The following NTM variants were observed in gnomAD, a reference collection of about 807,000 sequenced individuals.
The protein encoded by NTM is neurotrimin.
A neutral mutation model predicts 42.1 loss-of-function variants in NTM; 13 were observed. The observed-to-expected ratio is 0.31, with a 90% CI of 0.20 to 0.49. The LOEUF (loss-of-function observed/expected upper bound fraction) is 0.49, where lower values mean the gene tolerates loss of function less well. Among genes scored for constraint, NTM ranks in the 20% least tolerant of loss-of-function variants. NTM has a pLI of 0.99. For synonymous variants in NTM, 187 were observed against 179.2 expected (o/e 1.04, Z -0.35); for missense variants, 373 against 452.8 (o/e 0.82, Z 1.60).
At chr11:131,853,626 C>G (rs1217662435) in intron 1 of NTM, among the ~76,000 whole-genome samples, 5 of 152,174 alleles carry the variant, frequency 3.3e-5, no homozygotes, top group Non-Finnish European at 5.9e-5. Flanking sequence ...ACTACGTTTT[C>G]TTTATTCAGT....
chr11:131,684,643 C>T (rs1041590031), intron 1 of NTM, among the ~76,000 whole-genome samples: 8 of 152,232 alleles, frequency 5.3e-5, no homozygotes, highest in African/African-American at 1.2e-4. Context: ...GGAGGCCCTG[C>T]GGCTTTCCCA....
chr11:131,496,209 G>C (rs1437365240), intron 1 of NTM, among the ~76,000 whole-genome samples: 1 of 152,168 alleles, frequency 6.6e-6, no homozygotes, highest in Non-Finnish European at 1.5e-5. Flanking sequence ...TCCAGTTCTG[G>C]AATCTAGAAG....
At chr11:131,556,549 C>T (rs2055441010) in intron 1 of NTM, among the ~76,000 whole-genome samples, 2 of 149,980 alleles carry the variant, frequency 1.3e-5, no homozygotes, top group African/African-American at 2.5e-5. Context: ...CATAATAGCA[C>T]CTAACACATA....
intron 1 of NTM, among the ~76,000 whole-genome samples, chr11:131,512,202 C>G (rs1378762139): frequency 6.6e-6 from 1 of 152,188 alleles, no homozygotes; most frequent in Non-Finnish European, 1.5e-5. Flanking sequence ...TTGTTGTGTG[C>G]CAGTGGGTGC....
chr11:132,277,981 A>G lies in NTM; in HGVS notation c.527-29708A>G, dbSNP rs534827901. Among the ~76,000 whole-genome samples, 8 of 152,344 alleles carry G rather than the reference A, an allele frequency of 5.3e-5. No homozygotes were observed. In the East Asian group the frequency reaches 1.4e-3, roughly 26 times the overall value. On this transcript the variant is annotated intron_variant, in intron 4 of 8. Coordinates refer to ENST00000683400, the MANE Select transcript of NTM (RefSeq NM_001352005.2). ...CAGTTTATTGAGAACTCGAAAAATA[A>G]TTGGTATTAACGAATCATCAAACAG...
chr11:131,735,872 GTGTA>G (rs945325727), intron 1 of NTM, among the ~76,000 whole-genome samples: 3 of 148,948 alleles, frequency 2.0e-5, no homozygotes, highest in African/African-American at 7.7e-5. Flanking sequence ...GTGTGTGTGT[GTGTA>G]TAAAAAAATA....
intron 4 of NTM, among the ~76,000 whole-genome samples, chr11:132,270,257 A>AG (rs1223745802): frequency 6.6e-6 from 1 of 152,138 alleles, no homozygotes; most frequent in East Asian, 1.9e-4. Flanking sequence ...TTTGAGACAG[A>AG]ATCTCTCTCG....
intron 2 of NTM, among the ~76,000 whole-genome samples, chr11:132,052,180 G>A (rs1158804843): frequency 4.6e-5 from 7 of 152,120 alleles, no homozygotes; most frequent in Admixed American, 1.3e-4. Context: ...TCCCAAGGAG[G>A]GAGATTTACA....
At chr11:131,804,861 G>A (rs559275282) in intron 1 of NTM, among the ~76,000 whole-genome samples, 7 of 152,122 alleles carry the variant, frequency 4.6e-5, no homozygotes, top group Non-Finnish European at 1.0e-4. Flanking sequence ...CAAAGGGCTG[G>A]AGGGAAGTAG....
At chr11:131,833,692 T>A (rs2043111056) in intron 1 of NTM, among the ~76,000 whole-genome samples, 1 of 152,172 alleles carries the variant, frequency 6.6e-6, no homozygotes, top group Non-Finnish European at 1.5e-5. Flanking sequence ...AACCCTGCCG[T>A]GTTTTCCATT....
chr11:131,725,414 G>T (rs907150383), intron 1 of NTM, among the ~76,000 whole-genome samples: 2 of 152,128 alleles, frequency 1.3e-5, no homozygotes, highest in African/African-American at 4.8e-5. Flanking sequence ...AACAGGAAGG[G>T]TAGCCTTGGT....
chr11:131,839,663 C>T (rs1187753211), intron 1 of NTM, among the ~76,000 whole-genome samples: 2 of 152,150 alleles, frequency 1.3e-5, no homozygotes, highest in East Asian at 3.9e-4. Flanking sequence ...GGGTTTTGCC[C>T]AGAAGAGTGA....
intron 1 of NTM, among the ~76,000 whole-genome samples, chr11:131,739,481 T>G (rs1303478973): frequency 6.6e-6 from 1 of 152,200 alleles, no homozygotes; most frequent in Non-Finnish European, 1.5e-5. Flanking sequence ...GAGAAAGGTT[T>G]GTGTCTCTTA....
chr11:132,212,154 G>T lies in NTM; in HGVS notation c.526+7G>T, dbSNP rs2138672980. 6.2e-7 allele frequency: 1 copy of T among 1,608,376 alleles called. No individual in the cohort carries two copies. The highest frequency in any genetic ancestry group is 2.2e-5 in the East Asian group (1 of 44,816). On this transcript the variant is annotated splice_region_variant and intron_variant, in intron 4 of 8. Coordinates refer to ENST00000683400, the MANE Select transcript of NTM (RefSeq NM_001352005.2). Reference sequence around the variant, plus strand: ...AGACACATCTCTCCCAAAGGTAAGAGAACAGTTTGTTGCATTGCATCATGA... The same window carrying T: ...AGACACATCTCTCCCAAAGGTAAGATAACAGTTTGTTGCATTGCATCATGA...
At chr11:131,819,954 A>G (rs1033559834) in intron 1 of NTM, among the ~76,000 whole-genome samples, 3 of 152,048 alleles carry the variant, frequency 2.0e-5, no homozygotes, top group Non-Finnish European at 4.4e-5. Context: ...GTTCCCTGAC[A>G]CTCGCCTTCG....
At chr11:131,680,469 C>G (rs2072321965) in intron 1 of NTM, among the ~76,000 whole-genome samples, 1 of 47,058 alleles carries the variant, frequency 2.1e-5, no homozygotes. Context: ...CTGTGAGTGC[C>G]TGTGTGTGTG....
At chr11:131,379,407 T>TATC (rs1329248568) in intron 1 of NTM, among the ~76,000 whole-genome samples, 1 of 152,136 alleles carries the variant, frequency 6.6e-6, no homozygotes, top group Non-Finnish European at 1.5e-5. Context: ...ACATGTCCTA[T>TATC]ATCTGGAGAG....
At chr11:131,670,661 C>G (rs55877948) in intron 1 of NTM, among the ~76,000 whole-genome samples, 2,239 of 152,246 alleles carry the variant, frequency 0.015, 57 homozygotes, top group African/African-American at 0.052. Context: ...GGAGGCCTGA[C>G]AGTCGAGGGC....
At chr11:131,393,201 T>C (rs1385929102) in intron 1 of NTM, among the ~76,000 whole-genome samples, 1 of 152,120 alleles carries the variant, frequency 6.6e-6, no homozygotes, top group African/African-American at 2.4e-5. Flanking sequence ...CTGCTCTCAA[T>C]TGTCCTTCCC....
Sources: gnomAD v4.1 joint callset for allele counts (sites outside exome capture counted in the v4.1 genomes callset) on GRCh38, gnomAD v4.1.1 for gene constraint, MANE v1.5 for transcripts, NCBI Gene and HGNC (gene_info 2026-07-23, HGNC 2026-07-21) for gene names.